ANKFN1: variants seen among roughly 807,000 people sequenced by gnomAD.
ANKFN1 encodes the protein ankyrin repeat and fibronectin type III domain containing 1.
A neutral mutation model predicts 108.7 loss-of-function variants in ANKFN1; 74 were observed. The observed-to-expected ratio is 0.68, with a 90% CI of 0.56 to 0.83. The LOEUF is 0.83. Ranked by LOEUF, ANKFN1 falls within the 40% of genes least tolerant of loss-of-function variation. The pLI is 0.00. For synonymous variants in ANKFN1, 547 were observed against 516.2 expected, an observed-to-expected ratio of 1.06 and a Z score of -0.81; for missense variants, 1,505 against 1,382.3, an observed-to-expected ratio of 1.09 and a Z score of -1.41.
At chr17:56,168,193 T>C (rs1910337955) in intron 1 of ANKFN1, among the ~76,000 whole-genome samples, 1 of 144,904 alleles carries the variant, frequency 6.9e-6, no homozygotes, top group Non-Finnish European at 1.5e-5. Context: ...CTTGAACCCG[T>C]GAAGCAGAGG....
At chr17:56,283,079 AAG>A (rs1415561922) in intron 3 of ANKFN1, among the ~76,000 whole-genome samples, 2 of 152,150 alleles carry the variant, frequency 1.3e-5, no homozygotes, top group Non-Finnish European at 2.9e-5. Context: ...CCCAGGTAAT[AAG>A]CATGGTACTC....
intron 1 of ANKFN1, among the ~76,000 whole-genome samples, chr17:56,202,281 G>C (rs1441153208): frequency 1.3e-5 from 2 of 150,288 alleles, no homozygotes; most frequent in Non-Finnish European, 3.0e-5. Context: ...ATTAGTAAGA[G>C]TCAAAGACTT....
intron 3 of ANKFN1, among the ~76,000 whole-genome samples, chr17:56,293,735 C>T (rs1025135991): frequency 2.0e-5 from 3 of 152,232 alleles, no homozygotes; most frequent in African/African-American, 7.2e-5. Flanking sequence ...ATTGCCAAAA[C>T]AGTCTCCCTG....
intron 4 of ANKFN1, among the ~76,000 whole-genome samples, chr17:56,128,236 T>C (rs1418406016): frequency 5.0e-5 from 3 of 59,668 alleles, no homozygotes; most frequent in East Asian, 8.9e-4. Context: ...CAATAGCCCT[T>C]TTTTTTTTTT....
At chr17:56,119,103 C>T (rs978666286) in intron 4 of ANKFN1, among the ~76,000 whole-genome samples, 13 of 151,906 alleles carry the variant, frequency 8.6e-5, no homozygotes, top group African/African-American at 2.2e-4. Context: ...GTTGGAAATA[C>T]GGGTTTGGAA....
intron 3 of ANKFN1, chr17:56,257,955 A>T (rs56138213): frequency 0.051 from 7,732 of 152,200 alleles, 233 homozygotes; most frequent in South Asian, 0.092. Context: ...TGGAAGCCTC[A>T]CTGTCATTAC....
intron 8 of ANKFN1, among the ~76,000 whole-genome samples, chr17:56,418,383 G>T (rs966202400): frequency 6.6e-6 from 1 of 152,080 alleles, no homozygotes; most frequent in African/African-American, 2.4e-5. Flanking sequence ...TTAAAACTGG[G>T]ATTAAAATGA....
chr17:56,315,830 G>A (rs1198431940), intron 3 of ANKFN1, among the ~76,000 whole-genome samples: 1 of 152,152 alleles, frequency 6.6e-6, no homozygotes, highest in Non-Finnish European at 1.5e-5. Flanking sequence ...GAAGAACTAG[G>A]CCAGAAATAA....
At chr17:56,249,926 A>T (rs1161482624) in intron 3 of ANKFN1, among the ~76,000 whole-genome samples, 1 of 152,180 alleles carries the variant, frequency 6.6e-6, no homozygotes, top group Non-Finnish European at 1.5e-5. Flanking sequence ...TTTCTGCTGC[A>T]CCATTGTTAG....
intron 3 of ANKFN1, among the ~76,000 whole-genome samples, chr17:56,261,774 G>A (rs376776871): frequency 5.3e-5 from 8 of 152,122 alleles, no homozygotes; most frequent in East Asian, 3.9e-4. Flanking sequence ...GTGCCCACCC[G>A]GACTGAGAGT....
At chr17:56,241,319 C>T (rs986662770) in intron 3 of ANKFN1, among the ~76,000 whole-genome samples, 1 of 151,990 alleles carries the variant, frequency 6.6e-6, no homozygotes, top group Non-Finnish European at 1.5e-5. Flanking sequence ...AAGAAAGTTA[C>T]ATTTTGTATG....
intron 3 of ANKFN1, among the ~76,000 whole-genome samples, chr17:56,264,467 G>T (rs1428584948): frequency 6.6e-6 from 1 of 152,042 alleles, no homozygotes; most frequent in Non-Finnish European, 1.5e-5. Context: ...AGCTCATTAA[G>T]ACATCAGAAG....
intron 4 of ANKFN1, among the ~76,000 whole-genome samples, chr17:56,329,278 C>T (rs550084971): frequency 6.6e-6 from 1 of 152,262 alleles, no homozygotes; most frequent in South Asian, 2.1e-4. Flanking sequence ...CCCAGAAAAA[C>T]TTCATGGGGG....
chr17:56,500,743 G>T (rs528266737), intron 20 of ANKFN1, among the ~76,000 whole-genome samples: 1 of 152,138 alleles, frequency 6.6e-6, no homozygotes, highest in Non-Finnish European at 1.5e-5. Flanking sequence ...CAGGATCTAA[G>T]AACATTGTTC....
rs2051810169 is a variant in ANKFN1, at chr17:56,512,709, T to C, written c.*1440T>C. Among the ~76,000 whole-genome samples, 1 of 152,340 alleles carries C rather than the reference T, an allele frequency of 6.6e-6. No homozygotes were observed. The highest frequency in any genetic ancestry group is 2.1e-4 in the South Asian group (1 of 4,822). ...ATCCTTGTCCACAGAGTTCTACCAT[T>C]CCTCCTCATGGGAGTTCATACAAAG... On this transcript the variant is annotated 3_prime_UTR_variant, in exon 21 of 21. Transcript: ENST00000682825.
chr17:56,291,679 A>C (rs1192290667), intron 3 of ANKFN1, among the ~76,000 whole-genome samples: 3 of 152,146 alleles, frequency 2.0e-5, no homozygotes, highest in African/African-American at 7.2e-5. Flanking sequence ...TGGCCTAGCC[A>C]ACTAGGATGC....
intron 6 of ANKFN1, among the ~76,000 whole-genome samples, chr17:56,361,651 C>T (rs2046520995): frequency 6.6e-6 from 1 of 152,052 alleles, no homozygotes; most frequent in Non-Finnish European, 1.5e-5. Context: ...AAATGTTTGT[C>T]TCATGTGAGT....
intron 19 of ANKFN1, among the ~76,000 whole-genome samples, chr17:56,495,482 C>T (rs1037420007): frequency 6.6e-6 from 1 of 152,136 alleles, no homozygotes; most frequent in African/African-American, 2.4e-5. Flanking sequence ...AGATCTAAGA[C>T]AGTGTTGAAG....
intron 4 of ANKFN1, among the ~76,000 whole-genome samples, chr17:56,088,499 C>G (rs946527385): frequency 6.6e-6 from 1 of 151,038 alleles, no homozygotes; most frequent in Admixed American, 6.6e-5. Flanking sequence ...GTCACTTCTT[C>G]TAGCTGGTTT....
Sources: allele counts gnomAD v4.1 joint callset (sites outside exome capture counted in the v4.1 genomes callset), GRCh38; gene constraint gnomAD v4.1.1; transcripts MANE v1.5; gene names NCBI Gene and HGNC (gene_info 2026-07-23, HGNC 2026-07-21).